PROS1: variants seen among roughly 807,000 people sequenced by gnomAD.
PROS1 encodes the protein protein S.
PROS1 carries 29 observed loss-of-function variants against 75.9 expected under a neutral mutation model. That is an observed-to-expected ratio of 0.38 (90% CI 0.28 to 0.52). PROS1 has a LOEUF of 0.52. Ranked by LOEUF, PROS1 falls within the 20% of genes least tolerant of loss-of-function variation. The pLI is 0.83. For missense variants in PROS1, 680 were observed against 810.3 expected (o/e 0.84, Z 1.95); for synonymous variants, 245 against 280.6 (o/e 0.87, Z 1.27).
chr3:93,924,097 C>T (rs530267594), intron 3 of PROS1, 143 bp downstream of exon 3: 200 of 461,484 alleles, frequency 4.3e-4, no homozygotes, highest in Non-Finnish European at 7.7e-5. Flanking sequence ...ATAAAGACAG[C>T]AAAATTGCAT....
At chr3:93,929,104 A>G (rs1388459563) in intron 1 of PROS1, among the ~76,000 whole-genome samples, 2 of 152,228 alleles carry the variant, frequency 1.3e-5, no homozygotes, top group African/African-American at 4.8e-5. Context: ...ATATATGCCC[A>G]TGTGCTGGAA....
chr3:93,941,322 C>A (rs1254331335), intron 1 of PROS1, among the ~76,000 whole-genome samples: 2 of 152,158 alleles, frequency 1.3e-5, no homozygotes, highest in Admixed American at 6.5e-5. Context: ...GCTCAAATTT[C>A]TTCTCCATCC....
intron 3 of PROS1, among the ~76,000 whole-genome samples, chr3:93,922,200 C>G (rs984129142): frequency 7.9e-5 from 12 of 152,224 alleles, no homozygotes; most frequent in African/African-American, 2.4e-4. Flanking sequence ...TGAGGTAATT[C>G]ACCAACTTAT....
At chr3:93,947,943 C>T (rs907130319) in intron 1 of PROS1, among the ~76,000 whole-genome samples, 1 of 152,122 alleles carries the variant, frequency 6.6e-6, no homozygotes, top group Non-Finnish European at 1.5e-5. Context: ...TTCACATAGG[C>T]ACCTAAATAG....
At chr3:93,949,045 C>T (rs1709449327) in intron 1 of PROS1, among the ~76,000 whole-genome samples, 1 of 152,158 alleles carries the variant, frequency 6.6e-6, no homozygotes, top group East Asian at 1.9e-4. Context: ...TATCAGGCTC[C>T]AGGATTCTCA....
At position 93,906,003 on chromosome 3, in the gene PROS1, G is replaced by A. The variant is rs761224799; in HGVS notation, c.469+18C>T. The stretch of plus-strand genomic sequence containing the variant: ...GACCAATCCTGATGAGCTGGGGGGC[G>A]GGGGTTATTATACGTACCAAATTCA... On this transcript the variant is annotated intron_variant, in intron 5 of 14. Coordinates refer to ENST00000394236, the MANE Select transcript of PROS1 (RefSeq NM_000313.4). The A allele has an allele frequency of 7.0e-5, 113 of 1,613,758 alleles. 1 individual carries two copies. The East Asian group carries it at 1.4e-3, about 20-fold the overall frequency.
At chr3:93,923,875 C>T (rs573840993) in intron 3 of PROS1, among the ~76,000 whole-genome samples, 1 of 151,372 alleles carries the variant, frequency 6.6e-6, no homozygotes, top group South Asian at 2.1e-4. Context: ...GCACTCCAGC[C>T]TGGGTGACAC....
In PROS1 at chr3:93,927,042, A is replaced by G. The variant is rs5012693; in HGVS notation, c.234+208T>C. 7.0e-3 allele frequency among the ~76,000 whole-genome samples: 1,073 copies of G among 152,348 alleles called. 8 individuals are homozygous for G. Among genetic ancestry groups the G allele is most frequent in the African/African-American group, 0.024 (1,004 of 41,584 alleles). ...TGTAACTGAACTATAGTTTAGTCAGAACAAGCTGTTATTGGTGATCATGTC... is the reference window on the plus strand; with the variant it reads ...TGTAACTGAACTATAGTTTAGTCAGGACAAGCTGTTATTGGTGATCATGTC... On this transcript the variant is annotated intron_variant, in intron 2 of 14. Coordinates refer to ENST00000394236, the MANE Select transcript of PROS1 (RefSeq NM_000313.4).
intron 7 of PROS1, among the ~76,000 whole-genome samples, chr3:93,899,402 G>C (rs754711504): frequency 2.2e-4 from 33 of 152,036 alleles, no homozygotes; most frequent in Non-Finnish European, 4.1e-4. Context: ...ATTTAAAATA[G>C]ATTCCCAAAA....
At position 93,898,430 on chromosome 3, in the gene PROS1, G is replaced by C. The variant is rs548013224; in HGVS notation, c.849+18C>G. 1 of 1,611,392 alleles carries C rather than the reference G, an allele frequency of 6.2e-7. No individual in the cohort carries two copies. The highest frequency in any genetic ancestry group is 2.2e-5 in the East Asian group (1 of 44,718). ...TTTTAGAAAACAGGTGAGAAGTTAAGCATTGTAAAATGTTTACCTCACAAC... is the reference window on the plus strand; with the variant it reads ...TTTTAGAAAACAGGTGAGAAGTTAACCATTGTAAAATGTTTACCTCACAAC... On this transcript the variant is annotated intron_variant, in intron 8 of 14. Coordinates refer to ENST00000394236, the MANE Select transcript of PROS1 (RefSeq NM_000313.4).
intron 1 of PROS1, among the ~76,000 whole-genome samples, chr3:93,951,525 C>T (rs1464982215): frequency 2.0e-5 from 3 of 152,112 alleles, no homozygotes; most frequent in Non-Finnish European, 2.9e-5. Flanking sequence ...AAATAAAATC[C>T]TTTACAGGCA....
intron 3 of PROS1, among the ~76,000 whole-genome samples, chr3:93,923,286 T>C (rs1312947085): frequency 1.3e-5 from 2 of 152,202 alleles, no homozygotes; most frequent in East Asian, 3.8e-4. Flanking sequence ...TGTATTAGCA[T>C]GGTATTTATC....
At chr3:93,971,627 C>CCACACA (rs748664337) in intron 1 of PROS1, among the ~76,000 whole-genome samples, 16,638 of 124,264 alleles carry the variant, frequency 0.13, 1,348 homozygotes, top group Middle Eastern at 0.19. Context: ...AAAATAAAAA[C>CCACACA]CACACACACA....
At chr3:93,959,975 A>G (rs1273189961) in intron 1 of PROS1, among the ~76,000 whole-genome samples, 1 of 152,178 alleles carries the variant, frequency 6.6e-6, no homozygotes, top group Admixed American at 6.5e-5. Context: ...GTTTATTCAG[A>G]TAATTAAAAC....
At chr3:93,957,063 T>A (rs867919281) in intron 1 of PROS1, among the ~76,000 whole-genome samples, 1 of 152,152 alleles carries the variant, frequency 6.6e-6, no homozygotes, top group African/African-American at 2.4e-5. Context: ...ATATAATTGA[T>A]ATAAGCAAAA....
chr3:93,882,380 C>G (rs1473530433), intron 12 of PROS1, among the ~76,000 whole-genome samples: 1 of 152,156 alleles, frequency 6.6e-6, no homozygotes, highest in Admixed American at 6.5e-5. Flanking sequence ...TGGCAAGATT[C>G]CCTGCTCCAC....
At position 93,898,541 on chromosome 3, in the gene PROS1, A is replaced by G. The variant is rs2107158258; in HGVS notation, c.756T>C (p.Cys252=). The change falls in exon 8 of 15, where the codon TGT becomes TGC. Residue 252 remains cysteine (C), a synonymous_variant. Transcript: ENST00000394236. ...EDIDECSENM[C]AQLCVNYPGG... ...CAGGGTAATTGACACAAAGCTGAGC[A>G]CACATGTTCTCAGAGCATTCATCTA... 1 of 1,612,780 alleles carries G rather than the reference A, an allele frequency of 6.2e-7. No homozygotes were observed. The highest frequency in any genetic ancestry group is 1.1e-5 in the South Asian group (1 of 91,064).
intron 13 of PROS1, among the ~76,000 whole-genome samples, chr3:93,877,986 T>TGACA (rs1708216615): frequency 1.3e-5 from 2 of 152,124 alleles, no homozygotes; most frequent in Admixed American, 6.5e-5. Context: ...TTAAACTCAT[T>TGACA]AAAAGAGATT....
chr3:93,953,629 T>A (rs1709543579), intron 1 of PROS1, among the ~76,000 whole-genome samples: 1 of 151,992 alleles, frequency 6.6e-6, no homozygotes, highest in Non-Finnish European at 1.5e-5. Context: ...TCATACTGAA[T>A]GGGCAAAAAT....
Sources: allele counts gnomAD v4.1 joint callset (sites outside exome capture counted in the v4.1 genomes callset), GRCh38; gene constraint gnomAD v4.1.1; transcripts MANE v1.5; gene names NCBI Gene and HGNC (gene_info 2026-07-23, HGNC 2026-07-21).